Variants in RIPOR2 observed in about 807,000 individuals in gnomAD.
RIPOR2 encodes the protein RHO family interacting cell polarization regulator 2, also known as rho family-interacting cell polarization regulator 2.
RIPOR2 carries 39 observed loss-of-function variants against 114.5 expected under a neutral mutation model. The observed-to-expected ratio is 0.34, with a 90% CI of 0.26 to 0.44. The LOEUF is 0.44. RIPOR2 is among the 20% of genes least tolerant of loss of function. The pLI is 1.00. For synonymous variants in RIPOR2, 445 were observed against 484.4 expected (o/e 0.92, Z 1.07); for missense variants, 1,007 against 1,255.1 (o/e 0.80, Z 2.99).
chr6:24,879,823 A>G (rs1439054777), intron 1 of RIPOR2, among the ~76,000 whole-genome samples: 1 of 152,122 alleles, frequency 6.6e-6, no homozygotes, highest in African/African-American at 2.4e-5. Context: ...ACCTCTTAGC[A>G]TCTTATATCT....
intron 1 of RIPOR2, among the ~76,000 whole-genome samples, chr6:25,030,369 G>T (rs1776864947): frequency 1.3e-5 from 2 of 152,136 alleles, no homozygotes; most frequent in Non-Finnish European, 2.9e-5. Context: ...TCCCTCGTTT[G>T]CTCAGAGCTT....
chr6:25,010,460 G>C (rs1472868382), intron 1 of RIPOR2, among the ~76,000 whole-genome samples: 1 of 152,200 alleles, frequency 6.6e-6, no homozygotes, highest in African/African-American at 2.4e-5. Flanking sequence ...GGAACCATGA[G>C]CCAGATAAGC....
At chr6:24,949,040 A>C (rs1191916655) in intron 1 of RIPOR2, among the ~76,000 whole-genome samples, 2 of 151,836 alleles carry the variant, frequency 1.3e-5, no homozygotes, top group African/African-American at 4.8e-5. Flanking sequence ...CTGTACATCC[A>C]TGTCACTCTC....
intron 1 of RIPOR2, among the ~76,000 whole-genome samples, chr6:24,950,715 G>A (rs1364686257): frequency 6.6e-6 from 1 of 152,178 alleles, no homozygotes; most frequent in Admixed American, 6.5e-5. Flanking sequence ...AGTTCTTACA[G>A]GGATGACTGA....
At chr6:24,965,140 TA>T (rs1773469699) in intron 1 of RIPOR2, among the ~76,000 whole-genome samples, 1 of 42,746 alleles carries the variant, frequency 2.3e-5, no homozygotes, top group Non-Finnish European at 1.3e-4. Flanking sequence ...TTTTATTTTT[TA>T]TTTTTTTTAT....
In RIPOR2 at chr6:24,853,211, C is replaced by T. The variant is rs369047013; in HGVS notation, c.716-593G>A. Among the ~76,000 whole-genome samples, 36 of 140,908 alleles carry T rather than the reference C, an allele frequency of 2.6e-4. No individual in the cohort carries two copies. In the South Asian group the frequency reaches 7.3e-3, roughly 29 times the overall value. The allele number at this position is 140,908 out of a possible 152,430, so 92.4% of individuals were successfully genotyped here. A position where few individuals can be genotyped will look rare whatever the true frequency, so the allele number is the denominator to read the frequency against. On this transcript the variant is annotated intron_variant, in intron 8 of 21. Transcript: ENST00000643898. ...AGTGATTAAGAAAACAAAATCAATC[C>T]AACCAACCAAATGATACACCCCCAA... is the stretch of plus-strand genomic sequence containing the variant.
chr6:24,873,554 T>G, intron 3 of RIPOR2, 90 bp downstream of exon 3: 1 of 1,178,658 alleles, frequency 8.5e-7, no homozygotes, highest in Non-Finnish European at 1.2e-6. Context: ...CCTACAGAAA[T>G]AGACATCTGA....
At chr6:24,860,212 T>C (rs148707713) in intron 8 of RIPOR2, among the ~76,000 whole-genome samples, 2 of 152,234 alleles carry the variant, frequency 1.3e-5, no homozygotes, top group East Asian at 3.9e-4. Context: ...GTTAGTTTGC[T>C]AGAAACATGA....
Position 24,835,118 on chromosome 6 carries a change from CT to C in RIPOR2, c.2208+584del, listed in dbSNP as rs1761015074. Among the ~76,000 whole-genome samples, 5 of 152,324 alleles carry C rather than the reference CT, an allele frequency of 3.3e-5. No homozygotes were observed. In the East Asian group the frequency reaches 5.8e-4, roughly 18 times the overall value. ...AAGAATTTAAGAACATTTTGCTCCA[CT>C]GTTGAAAAACCTTAAGTGGTAAACA... On this transcript the variant is annotated intron_variant, in intron 15 of 21. Coordinates refer to ENST00000643898, the MANE Select transcript of RIPOR2 (RefSeq NM_001286445.3).
chr6:25,011,451 A>ACTCTAGAATATGTCACATAGTCATCAAAC (rs1410474988), intron 1 of RIPOR2, among the ~76,000 whole-genome samples: 16 of 152,180 alleles, frequency 1.1e-4, no homozygotes, highest in Admixed American at 6.5e-4. Flanking sequence ...TTGTATCTGA[A>ACTCTAGAATATGTCACATAGTCATCAAAC]CTCTAGAATA....
At chr6:24,807,364 T>C (rs536330496) in intron 21 of RIPOR2, among the ~76,000 whole-genome samples, 53 of 152,226 alleles carry the variant, frequency 3.5e-4, no homozygotes, top group Non-Finnish European at 6.6e-4. Context: ...TCCCAGCTAC[T>C]TGGGAGGCTG....
intron 8 of RIPOR2, among the ~76,000 whole-genome samples, chr6:24,859,961 G>T (rs1278573679): frequency 1.3e-5 from 2 of 152,220 alleles, no homozygotes; most frequent in South Asian, 2.1e-4. Context: ...ACTTGGAAGA[G>T]AAATTGACTT....
At chr6:24,877,255 G>A (rs767257819) in intron 1 of RIPOR2, 93 of 985,278 alleles carry the variant, frequency 9.4e-5, no homozygotes, top group Non-Finnish European at 1.1e-4. Flanking sequence ...CCCAGAGAGA[G>A]AAGGACAAAC....
intron 1 of RIPOR2, 53 bp downstream of exon 1, chr6:24,935,785 T>C: frequency 2.9e-6 from 4 of 1,356,804 alleles, no homozygotes; most frequent in Middle Eastern, 3.6e-4. Context: ...TCCAGTGGTG[T>C]CAAAACAAAG....
At chr6:24,959,535 A>T (rs1353582762) in intron 1 of RIPOR2, among the ~76,000 whole-genome samples, 1 of 152,120 alleles carries the variant, frequency 6.6e-6, no homozygotes, top group Non-Finnish European at 1.5e-5. Context: ...TAGTGCTGAA[A>T]CCCAATGGGT....
intron 1 of RIPOR2, among the ~76,000 whole-genome samples, chr6:24,972,216 A>T (rs1392110215): frequency 6.6e-6 from 1 of 152,252 alleles, no homozygotes; most frequent in Non-Finnish European, 1.5e-5. Context: ...ATAGATATGG[A>T]ATTTGTTAGC....
intron 1 of RIPOR2, among the ~76,000 whole-genome samples, chr6:24,882,473 C>T (rs2113932058): frequency 6.6e-6 from 1 of 152,234 alleles, no homozygotes; most frequent in African/African-American, 2.4e-5. Context: ...AGAAGGAATG[C>T]TAATATTTAT....
rs1776502337 is a variant in RIPOR2 at position 25,024,425 on chromosome 6, G to T, written c.76+17426C>A. On this transcript the variant is annotated intron_variant, in intron 1 of 13. Coordinates refer to the RIPOR2 transcript ENST00000510784. The stretch of plus-strand genomic sequence containing the variant: ...CTTGTTCCTTCACCCACACGAGGAT[G>T]CAGGAGGTGTCCAGGCCGCCACCAT... 8.6e-6 allele frequency: 9 copies of T among 1,050,010 alleles called. No individual in the cohort carries two copies. In the South Asian group the frequency reaches 8.8e-5, roughly 10 times the overall value. 65.0% of individuals were successfully genotyped at this position (1,050,010 alleles called of 1,614,324 possible).
At chr6:24,996,109 A>T (rs954419772) in intron 1 of RIPOR2, among the ~76,000 whole-genome samples, 2 of 152,182 alleles carry the variant, frequency 1.3e-5, no homozygotes, top group Admixed American at 6.5e-5. Context: ...GCCTAGAGTG[A>T]TATTTTTAAC....
Sources: gnomAD v4.1 joint callset for allele counts (sites outside exome capture counted in the v4.1 genomes callset) on GRCh38, gnomAD v4.1.1 for gene constraint, MANE v1.5 for transcripts, NCBI Gene and HGNC (gene_info 2026-07-23, HGNC 2026-07-21) for gene names.